The following SLC13A1 variants were observed in gnomAD, a reference collection of about 807,000 sequenced individuals.
SLC13A1 encodes the protein Na(+)/sulfate cotransporter.
A neutral mutation model predicts 70.0 loss-of-function variants in SLC13A1; 65 were observed. That is an observed-to-expected ratio of 0.93 (90% CI 0.76 to 1.14). SLC13A1 has a LOEUF of 1.14. SLC13A1 is among the 50% of genes most tolerant of loss of function. The probability of loss-of-function intolerance (pLI) is 0.00; values close to 1 mark genes in which losing one functional copy is unlikely to be tolerated. For synonymous variants in SLC13A1, 275 were observed against 250.5 expected, an observed-to-expected ratio of 1.10 and a Z score of -0.92; for missense variants, 726 against 717.8, an observed-to-expected ratio of 1.01 and a Z score of -0.13.
At chr7:123,191,941 G>A (rs1407015043) in intron 1 of SLC13A1, among the ~76,000 whole-genome samples, 1 of 152,100 alleles carries the variant, frequency 6.6e-6, no homozygotes, top group Non-Finnish European at 1.5e-5. Context: ...TCTTCTTTCT[G>A]TTCTTTCTAA....
chr7:123,139,775 T>C (rs2041057040), intron 7 of SLC13A1, among the ~76,000 whole-genome samples: 2 of 152,130 alleles, frequency 1.3e-5, no homozygotes. Flanking sequence ...ATCCTGCAAC[T>C]TTACTGAATT....
At chr7:123,129,605 T>TCC in intron 8 of SLC13A1, 124 bp from the exon 9 acceptor site, 1 of 681,852 alleles carries the variant, frequency 1.5e-6, no homozygotes, top group Non-Finnish European at 2.6e-6. Context: ...GCAATATGAA[T>TCC]CTCCCCGTTA....
At chr7:123,183,492 T>C (rs1276606747) in intron 1 of SLC13A1, among the ~76,000 whole-genome samples, 1 of 152,162 alleles carries the variant, frequency 6.6e-6, no homozygotes, top group Non-Finnish European at 1.5e-5. Context: ...AGCATTTTAG[T>C]AAAATATCTG....
At chr7:123,165,568 A>G (rs1795042685) in intron 6 of SLC13A1, among the ~76,000 whole-genome samples, 1 of 152,120 alleles carries the variant, frequency 6.6e-6, no homozygotes, top group South Asian at 2.1e-4. Flanking sequence ...TTAATCAAAA[A>G]GCTCACCACT....
intron 2 of SLC13A1, among the ~76,000 whole-genome samples, chr7:123,177,517 T>C (rs1227992897): frequency 6.6e-6 from 1 of 152,172 alleles, no homozygotes; most frequent in Non-Finnish European, 1.5e-5. Flanking sequence ...TGGACTACTT[T>C]GACCCTACCT....
chr7:123,179,498 T>C (rs768486120), intron 2 of SLC13A1, among the ~76,000 whole-genome samples: 1 of 152,170 alleles, frequency 6.6e-6, no homozygotes, highest in Non-Finnish European at 1.5e-5. Context: ...GATAAAGGAC[T>C]GTTGGGCAGG....
Position 123,185,061 on chromosome 7 carries a change from C to T in SLC13A1, c.100-3960G>A, listed in dbSNP as rs556908271. On this transcript the variant is annotated intron_variant, in intron 1 of 14. Transcript: ENST00000194130. Reference sequence around the variant, plus strand: ...GTGATGTCGAGCATTTTTTCATGTACCTGTTTGCCATATGTATGCCTTCTT... The same window carrying T: ...GTGATGTCGAGCATTTTTTCATGTATCTGTTTGCCATATGTATGCCTTCTT... 2.8e-3 allele frequency among the ~76,000 whole-genome samples: 431 copies of T among 151,998 alleles called. 3 individuals carry two copies. Among genetic ancestry groups the T allele is most frequent in the African/African-American group, 9.4e-3 (391 of 41,468 alleles).
rs183823713 is a variant in SLC13A1 at position 123,177,264 on chromosome 7, G to T, written c.228+3709C>A. ...CATATCTAATCAATCAGGAAAGTTTGCTGATTTTACCTTCAAATTTTATCA... is the reference window on the plus strand; with the variant it reads ...CATATCTAATCAATCAGGAAAGTTTTCTGATTTTACCTTCAAATTTTATCA... On this transcript the variant is annotated intron_variant, in intron 2 of 14. Transcript: ENST00000194130. 1.4e-3 allele frequency among the ~76,000 whole-genome samples: 209 copies of T among 152,124 alleles called. 3 individuals carry two copies. The highest frequency in any genetic ancestry group is 0.012 in the Admixed American group (186 of 15,272).
At chr7:123,148,766 T>C (rs1563332154) in intron 6 of SLC13A1, among the ~76,000 whole-genome samples, 1 of 152,192 alleles carries the variant, frequency 6.6e-6, no homozygotes, top group East Asian at 1.9e-4. Flanking sequence ...TGAAAACCCA[T>C]AGCTGGAAGG....
intron 1 of SLC13A1, among the ~76,000 whole-genome samples, chr7:123,191,228 G>C (rs1795985915): frequency 6.6e-6 from 1 of 152,118 alleles, no homozygotes; most frequent in Non-Finnish European, 1.5e-5. Context: ...AGCTGAGTTG[G>C]GTAGTATGGG....
intron 6 of SLC13A1, among the ~76,000 whole-genome samples, chr7:123,155,947 C>A (rs1241376184): frequency 6.6e-6 from 1 of 152,046 alleles, no homozygotes; most frequent in Non-Finnish European, 1.5e-5. Flanking sequence ...TCTCCTTATC[C>A]CGTTTTACCT....
At chr7:123,184,949 C>T (rs1306876612) in intron 1 of SLC13A1, among the ~76,000 whole-genome samples, 2 of 151,958 alleles carry the variant, frequency 1.3e-5, no homozygotes, top group African/African-American at 4.8e-5. Context: ...ACAGTGTTCA[C>T]ATCCTGGCCA....
At chr7:123,154,266 A>G (rs1225462503) in intron 6 of SLC13A1, among the ~76,000 whole-genome samples, 4 of 152,096 alleles carry the variant, frequency 2.6e-5, no homozygotes, top group Admixed American at 1.3e-4. Flanking sequence ...ATGGTAACCT[A>G]TTGTGTTTTT....
chr7:123,145,462 A>T (rs1051510607), intron 7 of SLC13A1, among the ~76,000 whole-genome samples: 5 of 152,238 alleles, frequency 3.3e-5, no homozygotes, highest in African/African-American at 1.2e-4. Flanking sequence ...ATCAACAAAG[A>T]TGAAGCATAA....
chr7:123,134,660 T>C, intron 7 of SLC13A1, 131 bp from the exon 8 acceptor site: 1 of 739,676 alleles, frequency 1.4e-6, no homozygotes, highest in Non-Finnish European at 2.1e-6. Context: ...AATATACTCA[T>C]CATTAAATAG....
At chr7:123,115,779 T>G (rs2116230963) in intron 14 of SLC13A1, 124 bp from the exon 15 acceptor site, 1 of 988,936 alleles carries the variant, frequency 1.0e-6, no homozygotes, top group African/African-American at 1.6e-5. Context: ...AAATTGTCAT[T>G]TTTTAAATTA....
intron 1 of SLC13A1, among the ~76,000 whole-genome samples, chr7:123,199,037 A>C (rs1296694156): frequency 6.6e-6 from 1 of 152,136 alleles, no homozygotes; most frequent in African/African-American, 2.4e-5. Flanking sequence ...CAGGTGACAC[A>C]GTTTGTAAGT....
intron 6 of SLC13A1, among the ~76,000 whole-genome samples, chr7:123,166,182 A>G (rs1433902901): frequency 3.3e-5 from 5 of 152,052 alleles, no homozygotes; most frequent in African/African-American, 9.7e-5. Flanking sequence ...GCTGCTTACA[A>G]TAAGGAGCAG....
At chr7:123,168,792 G>A (rs982756667) in intron 4 of SLC13A1, among the ~76,000 whole-genome samples, 1 of 152,122 alleles carries the variant, frequency 6.6e-6, no homozygotes, top group Non-Finnish European at 1.5e-5. Flanking sequence ...ATTTGATGCT[G>A]TATCCAAATA....
Sources: gnomAD v4.1 joint callset for allele counts (sites outside exome capture counted in the v4.1 genomes callset) on GRCh38, gnomAD v4.1.1 for gene constraint, MANE v1.5 for transcripts, NCBI Gene and HGNC (gene_info 2026-07-23, HGNC 2026-07-21) for gene names.